The following TMPRSS15 variants were observed in gnomAD, a reference collection of about 807,000 sequenced individuals.
TMPRSS15 encodes the protein enteropeptidase.
TMPRSS15 carries 128 observed loss-of-function variants against 125.3 expected under a neutral mutation model. That is an observed-to-expected ratio of 1.02 (90% CI 0.89 to 1.18). The LOEUF is 1.18. Among genes scored for constraint, TMPRSS15 ranks in the 50% most tolerant of loss-of-function variants. The pLI, the probability that TMPRSS15 is intolerant of heterozygous loss-of-function variation, is 0.00. For missense variants in TMPRSS15, 1,283 were observed against 1,212.7 expected, an observed-to-expected ratio of 1.06 and a Z score of -0.86; for synonymous variants, 446 against 423.2, an observed-to-expected ratio of 1.05 and a Z score of -0.66.
intron 18 of TMPRSS15, among the ~76,000 whole-genome samples, chr21:18,304,724 A>G (rs942967483): frequency 7.2e-5 from 11 of 152,190 alleles, no homozygotes; most frequent in Non-Finnish European, 2.9e-5. Context: ...TGGTCATTAG[A>G]GCCACCAGTG....
chr21:18,401,078 A>G (rs560663497), intron 1 of TMPRSS15, among the ~76,000 whole-genome samples: 1 of 152,276 alleles, frequency 6.6e-6, no homozygotes, highest in South Asian at 2.1e-4. Flanking sequence ...ATCGAAAAAC[A>G]ACAGATGTTG....
rs375707951 is a variant in TMPRSS15 at position 18,376,177 on chromosome 21, A to G, written c.532+3106T>C. 5.3e-4 allele frequency among the ~76,000 whole-genome samples: 77 copies of G among 146,652 alleles called. 2 individuals are homozygous for G. The South Asian group carries it at 0.016, about 30-fold the overall frequency. ...TAGATATCACCTTACAGAAATTCTC[A>G]TTTACTGTGTAGAACAAATCTAGTT... On this transcript the variant is annotated intron_variant, in intron 5 of 24. Transcript: ENST00000284885.
intron 4 of TMPRSS15, among the ~76,000 whole-genome samples, chr21:18,380,898 A>G (rs1203686478): frequency 6.6e-6 from 1 of 152,170 alleles, no homozygotes; most frequent in Non-Finnish European, 1.5e-5. Context: ...CTAATATAAC[A>G]TGATACGCCA....
rs771132612 is a variant in TMPRSS15, at chr21:18,372,169, G to T, written c.664+24C>A. Reference sequence around the variant, plus strand: ...AGTGAGGGAGGATAAAACAGAAGGGGAGAGAGTAGGGGGGAGAACTTACCA... The same window carrying T: ...AGTGAGGGAGGATAAAACAGAAGGGTAGAGAGTAGGGGGGAGAACTTACCA... On this transcript the variant is annotated intron_variant, in intron 6 of 24. Transcript: ENST00000284885. The T allele has an allele frequency of 3.8e-6, 6 of 1,598,058 alleles. No individual in the cohort carries two copies. In the African/African-American group the frequency reaches 5.4e-5, roughly 14 times the overall value.
At chr21:18,425,076 G>A (rs1007474902) in intron 1 of TMPRSS15, among the ~76,000 whole-genome samples, 6 of 151,410 alleles carry the variant, frequency 4.0e-5, no homozygotes, top group Admixed American at 3.3e-4. Context: ...CCCTATCAAT[G>A]GATAAATAAT....
chr21:18,395,981 C>A (rs1000785033), intron 3 of TMPRSS15, among the ~76,000 whole-genome samples: 5 of 152,134 alleles, frequency 3.3e-5, no homozygotes, highest in Admixed American at 6.6e-5. Context: ...TTGGAGCTTT[C>A]AGCTACCTTC....
At chr21:18,298,207 A>T (rs933279743) in intron 18 of TMPRSS15, among the ~76,000 whole-genome samples, 1 of 152,204 alleles carries the variant, frequency 6.6e-6, no homozygotes, top group African/African-American at 2.4e-5. Context: ...ATTTCCCAGC[A>T]TTGCTGCACT....
At chr21:18,411,256 T>C (rs946924719) in intron 1 of TMPRSS15, among the ~76,000 whole-genome samples, 7 of 152,084 alleles carry the variant, frequency 4.6e-5, no homozygotes, top group Non-Finnish European at 1.0e-4. Context: ...TTGTGAAAAA[T>C]ATCACTAGAC....
At chr21:18,350,507 T>C (rs913094770) in intron 10 of TMPRSS15, among the ~76,000 whole-genome samples, 1 of 152,150 alleles carries the variant, frequency 6.6e-6, no homozygotes, top group Non-Finnish European at 1.5e-5. Context: ...TCAACACTCT[T>C]GCCCTCGCAC....
At chr21:18,315,023 T>C in intron 17 of TMPRSS15, 123 bp downstream of exon 17, 1 of 780,134 alleles carries the variant, frequency 1.3e-6, no homozygotes, top group Non-Finnish European at 2.2e-6. Context: ...AGAGATGAGA[T>C]GTTCTCGTTC....
chr21:18,480,013 A>T (rs887998776), intron 1 of TMPRSS15, among the ~76,000 whole-genome samples: 1 of 152,092 alleles, frequency 6.6e-6, no homozygotes, highest in Non-Finnish European at 1.5e-5. Context: ...GATAGACTGG[A>T]TAAAGAAAAT....
intron 21 of TMPRSS15, among the ~76,000 whole-genome samples, chr21:18,291,041 T>C (rs2074827748): frequency 6.6e-6 from 1 of 152,256 alleles, no homozygotes; most frequent in African/African-American, 2.4e-5. Context: ...TCTTCTTTCA[T>C]AGAGCTTTCC....
At chr21:18,440,107 G>C (rs550763116) in intron 1 of TMPRSS15, among the ~76,000 whole-genome samples, 2 of 152,196 alleles carry the variant, frequency 1.3e-5, no homozygotes, top group African/African-American at 4.8e-5. Context: ...GGGCGCGGTG[G>C]CTCACGCCTG....
At chr21:18,437,808 C>T (rs1019673996) in intron 1 of TMPRSS15, among the ~76,000 whole-genome samples, 2 of 151,982 alleles carry the variant, frequency 1.3e-5, no homozygotes, top group East Asian at 1.9e-4. Flanking sequence ...ATGGCAATCA[C>T]TAAAAAGTCA....
chr21:18,430,095 A>C (rs1338727350), intron 1 of TMPRSS15, among the ~76,000 whole-genome samples: 1 of 152,216 alleles, frequency 6.6e-6, no homozygotes, highest in African/African-American at 2.4e-5. Context: ...CAATGTTAGC[A>C]TCAGTCTTTG....
intron 3 of TMPRSS15, among the ~76,000 whole-genome samples, chr21:18,394,021 G>C (rs774152132): frequency 4.6e-5 from 7 of 152,248 alleles, no homozygotes; most frequent in Non-Finnish European, 8.8e-5. Context: ...CAAATGAATG[G>C]ATGACTACCT....
intron 21 of TMPRSS15, among the ~76,000 whole-genome samples, chr21:18,287,290 T>G (rs867033958): frequency 1.3e-5 from 2 of 152,146 alleles, no homozygotes; most frequent in African/African-American, 4.8e-5. Context: ...CAGGAAGGAA[T>G]GAATATTACC....
At chr21:18,465,585 G>T (rs1406857956) in intron 1 of TMPRSS15, among the ~76,000 whole-genome samples, 1 of 152,094 alleles carries the variant, frequency 6.6e-6, no homozygotes, top group Admixed American at 6.6e-5. Flanking sequence ...AAATCTATGT[G>T]CAAAAATCAC....
intron 1 of TMPRSS15, among the ~76,000 whole-genome samples, chr21:18,445,594 A>G (rs2076254033): frequency 6.6e-6 from 1 of 152,232 alleles, no homozygotes; most frequent in Admixed American, 6.5e-5. Context: ...GCAATAGCAC[A>G]TCAAAAAGAT....
Sources: allele counts gnomAD v4.1 joint callset (sites outside exome capture counted in the v4.1 genomes callset), GRCh38; gene constraint gnomAD v4.1.1; transcripts MANE v1.5; gene names NCBI Gene and HGNC (gene_info 2026-07-23, HGNC 2026-07-21).